Variants in ARHGAP1 observed in about 807,000 individuals in gnomAD.
ARHGAP1 encodes Rho GTPase activating protein 1.
Under a neutral mutation model 52.2 loss-of-function variants are expected in ARHGAP1, and 23 were observed. The ratio of observed to expected loss-of-function variants is 0.44; its 90% CI spans 0.32 to 0.62. ARHGAP1 has a LOEUF of 0.62. ARHGAP1 is among the 20% of genes least tolerant of loss of function. The probability of loss-of-function intolerance (pLI) is 0.05; values close to 1 mark genes in which losing one functional copy is unlikely to be tolerated. For missense variants in ARHGAP1, 480 were observed against 560.9 expected, an observed-to-expected ratio of 0.86 and a Z score of 1.46; for synonymous variants, 210 against 228.4, an observed-to-expected ratio of 0.92 and a Z score of 0.73.
chr11:46,680,835 G>A lies in ARHGAP1; in HGVS notation c.636-88C>T. The A allele has an allele frequency of 1.8e-6, 2 of 1,133,164 alleles. No individual in the cohort carries two copies. Among genetic ancestry groups the A allele is most frequent in the Non-Finnish European group, 1.3e-6 (1 of 797,702 alleles). 70.2% of individuals were successfully genotyped at this position (1,133,164 alleles called of 1,614,324 possible). A position where few individuals can be genotyped will look rare whatever the true frequency, so the allele number is the denominator to read the frequency against. On this transcript the variant is annotated intron_variant, in intron 7 of 12. Transcript: ENST00000311956. The surrounding 1 kb of genome is among the most constrained non-coding windows in gnomAD (Gnocchi z 5.9). ...ATCAAGCATTGACCACGCGGGGTCA[G>A]GAGGATCATCTCATGCGATCTCTGT... is the stretch of plus-strand genomic sequence containing the variant.
chr11:46,695,529 G>C (rs1442043543), intron 3 of ARHGAP1, 131 bp downstream of exon 3: 4 of 976,534 alleles, frequency 4.1e-6, no homozygotes, highest in Non-Finnish European at 6.4e-6. Context: ...AGGCCACATG[G>C]CTCCCCACAT....
chr11:46,692,501 G>A (rs1429815959), intron 3 of ARHGAP1, among the ~76,000 whole-genome samples: 2 of 152,162 alleles, frequency 1.3e-5, no homozygotes, highest in Admixed American at 1.3e-4. Flanking sequence ...AGGCCCCTGG[G>A]TCTAAAATAT....
At position 46,697,994 on chromosome 11, in the gene ARHGAP1, A is replaced by G. The variant is rs532107181; in HGVS notation, c.-49-1838T>C. On this transcript the variant is annotated intron_variant, in intron 1 of 12. Transcript: ENST00000311956. ...AATCCAGCTCAAAGCAACCCCCTCC[A>G]GGCCAGAGCCTTCTCTCTACCCTTT... Among the ~76,000 whole-genome samples the G allele has an allele frequency of 8.5e-5, 13 of 152,314 alleles. No homozygotes were observed. The South Asian group carries it at 2.7e-3, about 32-fold the overall frequency.
chr11:46,680,941 G>T lies in ARHGAP1; in HGVS notation c.635+70C>A. ...GCTTGCTCTGCCTAAGCCCCACGCG[G>T]TCTCTGAATCAGGACACACGTCCTC... On this transcript the variant is annotated intron_variant, in intron 7 of 12. Transcript: ENST00000311956. The surrounding 1 kb of genome is among the most constrained non-coding windows in gnomAD (Gnocchi z 5.9). 1.4e-6 allele frequency: 2 copies of T among 1,425,828 alleles called. No homozygotes were observed. The highest frequency in any genetic ancestry group is 2.0e-6 in the Non-Finnish European group (2 of 1,017,346). 88.3% of individuals were successfully genotyped at this position (1,425,828 alleles called of 1,614,324 possible).
intron 4 of ARHGAP1, chr11:46,687,299 G>C (rs1341611459): frequency 2.0e-5 from 3 of 152,336 alleles, no homozygotes; most frequent in Non-Finnish European, 4.4e-5. Context: ...GGAAGACTCA[G>C]CCTGTGGCCC....
At chr11:46,699,684 CAG>C (rs1352282972) in intron 1 of ARHGAP1, among the ~76,000 whole-genome samples, 8 of 150,204 alleles carry the variant, frequency 5.3e-5, no homozygotes, top group East Asian at 2.0e-4. Context: ...GCCTGGGCGA[CAG>C]AGTGAGACTC....
In ARHGAP1 at chr11:46,679,676, G is replaced by A. The variant is rs765265297; in HGVS notation, c.999C>T (p.Asp333=). 1 of 1,614,012 alleles carries A rather than the reference G, an allele frequency of 6.2e-7. No individual in the cohort carries two copies. Among genetic ancestry groups the A allele is most frequent in the African/African-American group, 1.3e-5 (1 of 74,952 alleles). Residue 333 remains aspartate (D), a synonymous_variant, in exon 11 of 13, where the codon GAC becomes GAT. Coordinates refer to ENST00000311956, the MANE Select transcript of ARHGAP1 (RefSeq NM_004308.5). The surrounding 1 kb of genome is among the most constrained non-coding windows in gnomAD (Gnocchi z 4.4). ...RELPEPLLTF[D]LYPHVVGFLN... ...GGAAGCCCACCACATGGGGGTAGAGGTCAAAGGTGAGCAGGGGCTCAGGAA... is the reference window on the plus strand; with the variant it reads ...GGAAGCCCACCACATGGGGGTAGAGATCAAAGGTGAGCAGGGGCTCAGGAA...
At chr11:46,688,486 A>AT (rs201194673) in intron 3 of ARHGAP1, among the ~76,000 whole-genome samples, 4,608 of 150,372 alleles carry the variant, frequency 0.031, 240 homozygotes, top group African/African-American at 0.11. Flanking sequence ...AAAAAAAGTG[A>AT]TTTTTTTTTC....
At chr11:46,698,445 T>C (rs1299258643) in intron 1 of ARHGAP1, among the ~76,000 whole-genome samples, 1 of 145,702 alleles carries the variant, frequency 6.9e-6, no homozygotes, top group South Asian at 2.1e-4. Context: ...CTACTAAAAG[T>C]ACAAAAAAAA....
chr11:46,685,522 T>C (rs1028838573), intron 4 of ARHGAP1, among the ~76,000 whole-genome samples: 82 of 151,656 alleles, frequency 5.4e-4, no homozygotes, highest in African/African-American at 1.7e-3. Flanking sequence ...AGACAGGGTT[T>C]TGCCATGTTG....
intron 4 of ARHGAP1, among the ~76,000 whole-genome samples, chr11:46,684,485 GA>G (rs959185471): frequency 1.3e-5 from 2 of 149,642 alleles, no homozygotes; most frequent in Admixed American, 6.7e-5. Flanking sequence ...TTATGATAGG[GA>G]AAAAAAAAAT....
intron 3 of ARHGAP1, among the ~76,000 whole-genome samples, chr11:46,689,835 G>A (rs1000622670): frequency 2.0e-5 from 3 of 151,640 alleles, no homozygotes; most frequent in East Asian, 2.0e-4. Flanking sequence ...CACCACGCCC[G>A]GCTCTTACCT....
rs779726260 is a variant in ARHGAP1, at chr11:46,679,122, G to A, written c.1235C>T (p.Ala412Val). Residue 412 changes from alanine (A) to valine (V), a missense_variant, in exon 13 of 13, where the codon GCC becomes GTC. Ala to Val is a moderately conservative substitution (Grantham distance 64, BLOSUM62 0). Coordinates refer to ENST00000311956, the MANE Select transcript of ARHGAP1 (RefSeq NM_004308.5). This position sits in a 1 kb window ranked among gnomAD's most constrained non-coding sequence, Gnocchi z 4.4. ...WAKDAAITLK[A>V]INPINTFTKF... is the part of the protein sequence containing the mutation. Reference sequence around the variant, plus strand: ...GGTGAAGGTGTTGATGGGATTAATGGCCTTGAGGGTGATGGCCGCATCCTT... The same window carrying A: ...GGTGAAGGTGTTGATGGGATTAATGACCTTGAGGGTGATGGCCGCATCCTT... 2.5e-6 allele frequency: 4 copies of A among 1,614,164 alleles called. No homozygotes were observed. Among genetic ancestry groups the A allele is most frequent in the Non-Finnish European group, 3.4e-6 (4 of 1,180,012 alleles).
intron 3 of ARHGAP1, among the ~76,000 whole-genome samples, chr11:46,693,249 G>A (rs2064628082): frequency 6.6e-6 from 1 of 151,798 alleles, no homozygotes; most frequent in African/African-American, 2.4e-5. Flanking sequence ...ACCAGCCTTG[G>A]CTTCCCAAAG....
chr11:46,696,072 G>C lies in ARHGAP1; in HGVS notation c.36C>G (p.Thr12=). Residue 12 remains threonine (T), a synonymous_variant, in exon 2 of 13, where the codon ACC becomes ACG. Transcript: ENST00000311956. This position sits in a 1 kb window ranked among gnomAD's most constrained non-coding sequence, Gnocchi z 4.8. ...TCAGAGCCTCGCTGGTGTCATCCAA[G>C]GTCAGATCATCCTGCAGCTCTGAGA... ...DPLSELQDDL[T]LDDTSEALNQ... 2 of 1,611,744 alleles carry C rather than the reference G, an allele frequency of 1.2e-6. No homozygotes were observed. Among genetic ancestry groups the C allele is most frequent in the Non-Finnish European group, 1.7e-6 (2 of 1,179,008 alleles).
Position 46,680,345 on chromosome 11 carries a change from T to C in ARHGAP1, c.821-63A>G. 6.3e-7 allele frequency: 1 copy of C among 1,592,488 alleles called. No homozygotes were observed. The highest frequency in any genetic ancestry group is 8.6e-7 in the Non-Finnish European group (1 of 1,161,062). On this transcript the variant is annotated intron_variant, in intron 9 of 12. Transcript: ENST00000311956. This position sits in a 1 kb window ranked among gnomAD's most constrained non-coding sequence, Gnocchi z 5.9. The stretch of plus-strand genomic sequence containing the variant: ...GGGCACCGGCTGGATTCCCTGCCCC[T>C]TCTCTGTCTTGGGGTTCTAGGCAGG...
chr11:46,696,136 C>A lies in ARHGAP1; in HGVS notation c.-29G>T. ...CAAGCCTGTCCCAGACAGCCTTGCC[C>A]TGCAGAACCTTAAGAGAAACCTGGG... On this transcript the variant is annotated 5_prime_UTR_variant, in exon 2 of 13. It adds an upstream start codon to the 5' untranslated region. Transcript: ENST00000311956. The surrounding 1 kb of genome is among the most constrained non-coding windows in gnomAD (Gnocchi z 4.8). 1 of 1,567,512 alleles carries A rather than the reference C, an allele frequency of 6.4e-7. No homozygotes were observed. Among genetic ancestry groups the A allele is most frequent in the Non-Finnish European group, 8.6e-7 (1 of 1,157,162 alleles).
rs369424318 is a variant in ARHGAP1 at position 46,688,215 on chromosome 11, C to T, written c.275G>A (p.Arg92Gln). 1.7e-5 allele frequency: 28 copies of T among 1,614,032 alleles called. No individual in the cohort carries two copies. The highest frequency in any genetic ancestry group is 1.6e-4 in the Middle Eastern group (1 of 6,062). ...GTCGAGCTGGTGGCTGGGGGGCATT[C>T]GACAGGCACTAAACACAATGATCTT... Reference protein sequence around the residue: ...GRKIIVFSACRMPPSHQLDHS... With the variant: ...GRKIIVFSACQMPPSHQLDHS... Residue 92 changes from arginine (R) to glutamine (Q), a missense_variant, in exon 4 of 13, where the codon CGA (arginine) becomes CAA (glutamine). By Grantham distance (43) the Arg-to-Gln change is conservative (BLOSUM62 1). Transcript: ENST00000311956.
intron 3 of ARHGAP1, among the ~76,000 whole-genome samples, chr11:46,692,401 TG>T (rs2064620980): frequency 6.6e-6 from 1 of 152,240 alleles, no homozygotes; most frequent in South Asian, 2.1e-4. Flanking sequence ...TTCCAGCCCA[TG>T]AGTCCCCGCA....
Sources: allele counts gnomAD v4.1 joint callset (sites outside exome capture counted in the v4.1 genomes callset), GRCh38; gene constraint gnomAD v4.1.1; non-coding constraint Gnocchi (gnomAD v3.1); transcripts MANE v1.5; gene names NCBI Gene and HGNC (gene_info 2026-07-23, HGNC 2026-07-21).